CNTNAP2: variants seen among roughly 807,000 people sequenced by gnomAD.
CNTNAP2 encodes the protein contactin-associated protein-like 2.
A neutral mutation model predicts 155.2 loss-of-function variants in CNTNAP2; 98 were observed. The ratio of observed to expected loss-of-function variants is 0.63; its 90% CI spans 0.54 to 0.75. The LOEUF is 0.75. Ranked by LOEUF, CNTNAP2 falls within the 30% of genes least tolerant of loss-of-function variation. The pLI is 0.00. For missense variants in CNTNAP2, 1,727 were observed against 1,688.1 expected (o/e 1.02, Z -0.40); for synonymous variants, 651 against 631.2 (o/e 1.03, Z -0.47).
chr7:146,582,556 G>T (rs1798627467), intron 1 of CNTNAP2, among the ~76,000 whole-genome samples: 1 of 152,082 alleles, frequency 6.6e-6, no homozygotes, highest in Admixed American at 6.6e-5. Flanking sequence ...AAAGTCACAA[G>T]GTCAGACACT....
At chr7:146,196,989 C>A (rs1382402527) in intron 1 of CNTNAP2, among the ~76,000 whole-genome samples, 1 of 151,976 alleles carries the variant, frequency 6.6e-6, no homozygotes, top group Non-Finnish European at 1.5e-5. Context: ...AAATTTTTTT[C>A]CCCAGTGAAT....
chr7:146,525,095 A>G (rs531416511), intron 1 of CNTNAP2, among the ~76,000 whole-genome samples: 1 of 152,128 alleles, frequency 6.6e-6, no homozygotes, highest in East Asian at 1.9e-4. Flanking sequence ...CTATTGTTTT[A>G]GCTGAAAAAA....
intron 3 of CNTNAP2, among the ~76,000 whole-genome samples, chr7:147,036,234 T>C (rs993999248): frequency 3.9e-5 from 6 of 152,220 alleles, no homozygotes; most frequent in African/African-American, 1.4e-4. Context: ...CTGCAAAGCC[T>C]AAAATATTTA....
Position 147,300,305 on chromosome 7 carries a change from C to A in CNTNAP2, c.1498+15C>A, listed in dbSNP as rs752496194. ...CTTTTTTGGAGGTAAGAATGCCATTCCTTTTTGGTTACTAATCCATTGCAA... is the reference window on the plus strand; with the variant it reads ...CTTTTTTGGAGGTAAGAATGCCATTACTTTTTGGTTACTAATCCATTGCAA... On this transcript the variant is annotated intron_variant, in intron 9 of 23. Coordinates refer to ENST00000361727, the MANE Select transcript of CNTNAP2 (RefSeq NM_014141.6). 5 of 1,613,392 alleles carry A rather than the reference C, an allele frequency of 3.1e-6. No homozygotes were observed. In the African/African-American group the frequency reaches 4.0e-5, roughly 13 times the overall value.
chr7:147,125,154 A>G (rs1289876176), intron 6 of CNTNAP2, among the ~76,000 whole-genome samples: 1 of 152,034 alleles, frequency 6.6e-6, no homozygotes, highest in African/African-American at 2.4e-5. Context: ...TGCTGGGATT[A>G]CAGGTGTAAG....
rs187717128 is a variant in CNTNAP2 at position 146,636,687 on chromosome 7, G to A, written c.98-137584G>A. ...TTCAGCTTCACTGATTATTTGTAGA[G>A]AGCATTTCGTTTCTAGGTCAAATCG... On this transcript the variant is annotated intron_variant, in intron 1 of 23. Transcript: ENST00000361727. Among the ~76,000 whole-genome samples the A allele has an allele frequency of 1.2e-3, 177 of 152,260 alleles. 1 individual carries two copies. Among genetic ancestry groups the A allele is most frequent in the Non-Finnish European group, 1.5e-3 (105 of 68,016 alleles).
intron 1 of CNTNAP2, among the ~76,000 whole-genome samples, chr7:146,489,662 C>T (rs768795894): frequency 1.3e-5 from 2 of 152,062 alleles, no homozygotes; most frequent in Non-Finnish European, 2.9e-5. Context: ...TACCCATGTT[C>T]GGCGATTCCC....
chr7:146,483,283 ATATATATATATATATATATATATAT>A lies in CNTNAP2; in HGVS notation c.98-290987_98-290963del, dbSNP rs1194676249. Among the ~76,000 whole-genome samples, 124 of 62,726 alleles carry A rather than the reference ATATATATATATATATATATATATAT, an allele frequency of 2.0e-3. 5 individuals carry two copies. Among genetic ancestry groups the A allele is most frequent in the African/African-American group, 4.6e-3 (99 of 21,348 alleles). The allele number at this position is 62,726 out of a possible 152,430, so 41.2% of individuals were successfully genotyped here. On this transcript the variant is annotated intron_variant, in intron 1 of 23. Coordinates refer to ENST00000361727, the MANE Select transcript of CNTNAP2 (RefSeq NM_014141.6). ...AGAGCAAGACTCCGTCTAAAAAAAA[ATATATATATATATATATATATATAT>A]ATATATATATATATATATATACATA...
intron 12 of CNTNAP2, among the ~76,000 whole-genome samples, chr7:147,625,627 C>A (rs1324608948): frequency 6.6e-6 from 1 of 152,104 alleles, no homozygotes; most frequent in Non-Finnish European, 1.5e-5. Context: ...ACTTGGTGGG[C>A]AAGATGGCAG....
intron 8 of CNTNAP2, among the ~76,000 whole-genome samples, chr7:147,222,639 C>G (rs1024551546): frequency 1.3e-5 from 2 of 151,778 alleles, no homozygotes; most frequent in Non-Finnish European, 2.9e-5. Flanking sequence ...AATTTTTTTT[C>G]TTTATAGCCA....
chr7:147,998,410 C>T (rs1458176087), intron 15 of CNTNAP2, among the ~76,000 whole-genome samples: 2 of 152,098 alleles, frequency 1.3e-5, no homozygotes, highest in Non-Finnish European at 2.9e-5. Context: ...GGCGCCCGGC[C>T]CATGGTCACT....
intron 13 of CNTNAP2, among the ~76,000 whole-genome samples, chr7:147,712,291 G>C (rs910889828): frequency 6.6e-6 from 1 of 152,212 alleles, no homozygotes; most frequent in Admixed American, 6.5e-5. Context: ...CTTTTACACT[G>C]TTGGTGGGAC....
At chr7:146,709,736 G>A (rs779774755) in intron 1 of CNTNAP2, among the ~76,000 whole-genome samples, 1 of 152,264 alleles carries the variant, frequency 6.6e-6, no homozygotes, top group Non-Finnish European at 1.5e-5. Context: ...AGCAGGCTGA[G>A]GAGGGCCAGA....
chr7:148,268,749 T>C (rs184132498), intron 21 of CNTNAP2, among the ~76,000 whole-genome samples: 3 of 152,238 alleles, frequency 2.0e-5, no homozygotes, highest in Admixed American at 2.0e-4. Context: ...GCCCATTCAA[T>C]CTTCGTCACA....
chr7:147,541,207 A>G (rs1799632889), intron 11 of CNTNAP2, among the ~76,000 whole-genome samples: 1 of 152,166 alleles, frequency 6.6e-6, no homozygotes, highest in African/African-American at 2.4e-5. Context: ...AAGCCATATG[A>G]TATCTTTGAC....
intron 9 of CNTNAP2, among the ~76,000 whole-genome samples, chr7:147,376,070 A>G (rs756407277): frequency 1.1e-4 from 17 of 152,068 alleles, no homozygotes; most frequent in Admixed American, 2.0e-4. Context: ...GTTTTCCCAC[A>G]TATATTTAGG....
chr7:147,724,320 A>G (rs1258697750), intron 13 of CNTNAP2, among the ~76,000 whole-genome samples: 1 of 152,040 alleles, frequency 6.6e-6, no homozygotes, highest in East Asian at 1.9e-4. Context: ...TCCTAGAGGA[A>G]TTATTAGAAT....
intron 1 of CNTNAP2, among the ~76,000 whole-genome samples, chr7:146,534,276 T>G (rs2129139714): frequency 6.6e-6 from 1 of 152,270 alleles, no homozygotes; most frequent in South Asian, 2.1e-4. Context: ...TGGGTTAATT[T>G]TCTTTATAAT....
chr7:147,658,063 C>T (rs1379784858), intron 13 of CNTNAP2, among the ~76,000 whole-genome samples: 2 of 120,698 alleles, frequency 1.7e-5, no homozygotes, highest in African/African-American at 5.6e-5. Context: ...GAGACCATCC[C>T]GGCAAAAATG....
Sources: gnomAD v4.1 joint callset for allele counts (sites outside exome capture counted in the v4.1 genomes callset) on GRCh38, gnomAD v4.1.1 for gene constraint, MANE v1.5 for transcripts, NCBI Gene and HGNC (gene_info 2026-07-23, HGNC 2026-07-21) for gene names.